The following BEND6 variants were observed in gnomAD, a reference collection of about 807,000 sequenced individuals.
BEND6 encodes BEN domain-containing protein 6.
In BEND6, 24 loss-of-function variants were observed where a neutral mutation model predicts 31.8. The observed-to-expected ratio is 0.75, with a 90% CI of 0.55 to 1.06. BEND6 has a LOEUF of 1.06. BEND6 is among the 50% of genes least tolerant of loss of function. The pLI, the probability that BEND6 is intolerant of heterozygous loss-of-function variation, is 0.00. For missense variants in BEND6, 294 were observed against 327.4 expected, an observed-to-expected ratio of 0.90 and a Z score of 0.79; for synonymous variants, 109 against 114.6, an observed-to-expected ratio of 0.95 and a Z score of 0.31.
intron 3 of BEND6, among the ~76,000 whole-genome samples, chr6:56,996,098 T>C (rs1352156717): frequency 1.3e-5 from 2 of 152,212 alleles, no homozygotes; most frequent in Non-Finnish European, 2.9e-5. Flanking sequence ...AGGACTTTTT[T>C]CTTTTCTATC....
At chr6:56,979,845 T>C (rs1484481827) in intron 1 of BEND6, among the ~76,000 whole-genome samples, 4 of 152,232 alleles carry the variant, frequency 2.6e-5, no homozygotes, top group African/African-American at 7.2e-5. Flanking sequence ...AAATAGACTT[T>C]TGTATTTACT....
Position 56,981,718 on chromosome 6 carries a change from A to G in BEND6, c.-93A>G, listed in dbSNP as rs903563637. On this transcript the variant is annotated 5_prime_UTR_variant, in exon 2 of 7. Coordinates refer to ENST00000370746, the MANE Select transcript of BEND6 (RefSeq NM_152731.3). The stretch of plus-strand genomic sequence containing the variant: ...TTTGTTTTTGTTTTTAAGGGAAAGC[A>G]TTAACTTTTGAGCTACGTCCAGAAT... 2.1e-6 allele frequency: 3 copies of G among 1,447,220 alleles called. No individual in the cohort carries two copies. The highest frequency in any genetic ancestry group is 2.2e-5 in the Admixed American group (1 of 45,242). The allele number at this position is 1,447,220 out of a possible 1,614,324, so 89.6% of individuals were successfully genotyped here.
intron 3 of BEND6, 112 bp from the exon 4 acceptor site, chr6:57,015,021 A>G: frequency 1.3e-6 from 1 of 760,480 alleles, no homozygotes; most frequent in Non-Finnish European, 2.0e-6. Context: ...AAGATAGCAA[A>G]TGTTAAGTTT....
intron 5 of BEND6, 106 bp from the exon 6 acceptor site, chr6:57,018,315 G>A (rs1213308874): frequency 7.8e-7 from 1 of 1,278,682 alleles, no homozygotes; most frequent in Non-Finnish European, 1.0e-6. Flanking sequence ...TTTGTAAAAT[G>A]GAAAAAAAAT....
chr6:56,982,005 T>A, intron 2 of BEND6, 75 bp downstream of exon 2: 1 of 1,409,468 alleles, frequency 7.1e-7, no homozygotes, highest in Non-Finnish European at 9.6e-7. Context: ...TCATAATTTA[T>A]TAGTGCTTCT....
intron 3 of BEND6, chr6:57,013,986 C>T (rs1177990042): frequency 1.3e-5 from 2 of 152,252 alleles, no homozygotes; most frequent in Non-Finnish European, 2.9e-5. Context: ...AATTACTTTA[C>T]TTCTTCTTGC....
At chr6:57,015,513 TA>T (rs1316809942) in intron 4 of BEND6, among the ~76,000 whole-genome samples, 160 bp downstream of exon 4, 2 of 151,850 alleles carry the variant, frequency 1.3e-5, no homozygotes, top group African/African-American at 4.8e-5. Context: ...AGAAGAGGCA[TA>T]AGGTGGCCAG....
In BEND6 at chr6:56,982,432, C is replaced by T. The variant is rs1016210177; in HGVS notation, c.120+502C>T. ...TTTCTTTTTAGACCCCAGTTTGTGG[C>T]CCATCCTTATCACTGGTTTGGTCAG... On this transcript the variant is annotated intron_variant, in intron 2 of 6. Transcript: ENST00000370746. Among the ~76,000 whole-genome samples the T allele has an allele frequency of 9.2e-5, 14 of 152,250 alleles. 1 individual carries two copies. Among genetic ancestry groups the T allele is most frequent in the African/African-American group, 3.4e-4 (14 of 41,552 alleles).
chr6:56,979,861 G>A (rs1317965085), intron 1 of BEND6, among the ~76,000 whole-genome samples: 1 of 152,176 alleles, frequency 6.6e-6, no homozygotes, highest in Non-Finnish European at 1.5e-5. Context: ...TTACTAGGAG[G>A]ACAGTTTGTA....
At position 56,976,197 on chromosome 6, in the gene BEND6, C is replaced by CTT. The variant is rs530764397; in HGVS notation, c.-100-5499_-100-5498dup. Reference sequence around the variant, plus strand: ...AAAGAAGATAAAATTAGTGTTAGTGCTTTTTTTTTTTTTTTTGAGATACAG... The same window carrying CTT: ...AAAGAAGATAAAATTAGTGTTAGTGCTTTTTTTTTTTTTTTTTTGAGATACAG... On this transcript the variant is annotated intron_variant, in intron 1 of 6. Coordinates refer to ENST00000370746, the MANE Select transcript of BEND6 (RefSeq NM_152731.3). 240 of 151,930 alleles carry CTT rather than the reference C, an allele frequency of 1.6e-3. 1 individual carries two copies. Among genetic ancestry groups the CTT allele is most frequent in the African/African-American group, 4.5e-3 (170 of 37,586 alleles). 9.4% of individuals were successfully genotyped at this position (151,930 alleles called of 1,614,324 possible). A position where few individuals can be genotyped will look rare whatever the true frequency, so the allele number is the denominator to read the frequency against.
chr6:56,956,858 C>G (rs566564269), intron 1 of BEND6, among the ~76,000 whole-genome samples: 1 of 152,320 alleles, frequency 6.6e-6, no homozygotes, highest in African/African-American at 2.4e-5. Flanking sequence ...ATGTGTGGCA[C>G]ATCAGGAAAG....
At chr6:56,988,549 G>T (rs1247114702) in intron 2 of BEND6, among the ~76,000 whole-genome samples, 1 of 152,006 alleles carries the variant, frequency 6.6e-6, no homozygotes, top group South Asian at 2.1e-4. Context: ...TCTATATATT[G>T]CCTCATGTCA....
At chr6:56,989,012 CAG>C (rs1407748066) in intron 2 of BEND6, among the ~76,000 whole-genome samples, 14 of 151,944 alleles carry the variant, frequency 9.2e-5, no homozygotes, top group Non-Finnish European at 1.8e-4. Flanking sequence ...TCCTGGGAGA[CAG>C]AGTGAGATTC....
intron 1 of BEND6, chr6:56,975,985 T>C (rs1027348730): frequency 2.0e-6 from 1 of 510,820 alleles, no homozygotes; most frequent in African/African-American, 1.9e-5. Context: ...TGTGCAGTCA[T>C]GGTGGCTTCT....
chr6:57,004,489 A>G, intron 3 of BEND6: 1 of 672,062 alleles, frequency 1.5e-6, no homozygotes. Flanking sequence ...GGACCGTCCC[A>G]AGGCCTCTGC....
rs541276230 is a variant in BEND6, at chr6:56,966,345, G to A, written c.-101+10885G>A. On this transcript the variant is annotated intron_variant, in intron 1 of 6. Transcript: ENST00000370746. ...TCGAACTCCTGACCTAAGATGATCC[G>A]CCTGCCTCGGCCTCCCAAAGTGCTA... Among the ~76,000 whole-genome samples, 30 of 152,182 alleles carry A rather than the reference G, an allele frequency of 2.0e-4. No individual in the cohort carries two copies. In the South Asian group the frequency reaches 5.2e-3, roughly 26 times the overall value.
chr6:57,001,405 C>T (rs1170938903), intron 3 of BEND6, among the ~76,000 whole-genome samples: 1 of 152,106 alleles, frequency 6.6e-6, no homozygotes, highest in African/African-American at 2.4e-5. Context: ...CTCAAGTGAT[C>T]CACTACCTTG....
At chr6:56,972,081 A>C (rs941912624) in intron 1 of BEND6, among the ~76,000 whole-genome samples, 29 of 85,792 alleles carry the variant, frequency 3.4e-4, no homozygotes, top group Admixed American at 8.8e-4. Context: ...ACTTTACTTT[A>C]CTTTCTTTTT....
chr6:56,974,222 G>T (rs918561529), intron 1 of BEND6, among the ~76,000 whole-genome samples: 3 of 152,056 alleles, frequency 2.0e-5, no homozygotes, highest in Non-Finnish European at 4.4e-5. Flanking sequence ...TGGAGAAAAA[G>T]GAATTAAAGC....
Sources: allele counts gnomAD v4.1 joint callset (sites outside exome capture counted in the v4.1 genomes callset), GRCh38; gene constraint gnomAD v4.1.1; transcripts MANE v1.5; gene names NCBI Gene and HGNC (gene_info 2026-07-23, HGNC 2026-07-21).